The following NCBP2 variants were observed in gnomAD, a reference collection of about 807,000 sequenced individuals.
NCBP2 encodes nuclear cap binding protein subunit 2.
A neutral mutation model predicts 21.5 loss-of-function variants in NCBP2; 8 were observed. The observed-to-expected ratio is 0.37, with a 90% CI of 0.22 to 0.67. The LOEUF is 0.67. Among genes scored for constraint, NCBP2 ranks in the 30% least tolerant of loss-of-function variants. The probability of loss-of-function intolerance (pLI) is 0.56; values close to 1 mark genes in which losing one functional copy is unlikely to be tolerated. For missense variants in NCBP2, 127 were observed against 206.9 expected, an observed-to-expected ratio of 0.61 and a Z score of 2.37; for synonymous variants, 92 against 75.8, an observed-to-expected ratio of 1.21 and a Z score of -1.11.
intron 1 of NCBP2, among the ~76,000 whole-genome samples, chr3:196,940,662 T>TA (rs985861786): frequency 1.3e-5 from 2 of 152,088 alleles, no homozygotes; most frequent in African/African-American, 4.8e-5. Flanking sequence ...CATTAGCATC[T>TA]AAAAAAAGCT....
intron 1 of NCBP2, 69 bp downstream of exon 1, chr3:196,942,357 G>T: frequency 6.4e-7 from 1 of 1,568,220 alleles, no homozygotes; most frequent in South Asian, 1.2e-5. Flanking sequence ...GACACAATGA[G>T]ACAAGAGCAA....
At chr3:196,940,403 T>C (rs777581063) in intron 1 of NCBP2, among the ~76,000 whole-genome samples, 2 of 147,074 alleles carry the variant, frequency 1.4e-5, no homozygotes, top group African/African-American at 2.5e-5. Context: ...ACAATAGTCA[T>C]TGTATGTTAA....
At chr3:196,942,137 G>GCCACCA (rs1047978048) in intron 1 of NCBP2, 21 of 1,465,256 alleles carry the variant, frequency 1.4e-5, no homozygotes, top group Non-Finnish European at 1.8e-5. Flanking sequence ...AACGGGAGCC[G>GCCACCA]CCACCACCAC....
chr3:196,936,087 T>C lies in NCBP2; in HGVS notation c.*924A>G, dbSNP rs905184487. ...TCCTCATGTCAAGGCAGTGTTTTCA[T>C]TGTCTCTTGATATTTTATCCCATTT... On this transcript the variant is annotated 3_prime_UTR_variant, in exon 4 of 4. Coordinates refer to ENST00000321256, the MANE Select transcript of NCBP2 (RefSeq NM_007362.5). 6.6e-6 allele frequency: 1 copy of C among 152,238 alleles called. No homozygotes were observed. Among genetic ancestry groups the C allele is most frequent in the South Asian group, 2.1e-4 (1 of 4,836 alleles). 9.4% of individuals were successfully genotyped at this position (152,238 alleles called of 1,614,324 possible). A position where few individuals can be genotyped will look rare whatever the true frequency, so the allele number is the denominator to read the frequency against.
chr3:196,941,302 G>A (rs2108883411), intron 1 of NCBP2, among the ~76,000 whole-genome samples: 1 of 152,216 alleles, frequency 6.6e-6, no homozygotes, highest in Non-Finnish European at 1.5e-5. Context: ...ATCTTGGCCA[G>A]GCTAGTCTTG....
At chr3:196,938,129 C>A (rs966518612) in intron 2 of NCBP2, 1 of 154,454 alleles carries the variant, frequency 6.5e-6, no homozygotes, top group Non-Finnish European at 1.4e-5. Flanking sequence ...AAGGGGAAGA[C>A]ATTTAATCTC....
chr3:196,941,766 A>G lies in NCBP2; in HGVS notation c.78+660T>C, dbSNP rs531302207. 7.4e-5 allele frequency: 55 copies of G among 739,028 alleles called. No individual in the cohort carries two copies. The African/African-American group carries it at 8.7e-4, about 12-fold the overall frequency. 45.8% of individuals were successfully genotyped at this position (739,028 alleles called of 1,614,324 possible). On this transcript the variant is annotated intron_variant, in intron 1 of 3. Transcript: ENST00000321256. ...TCTGCTGCCTCCCCTTTTTCCACAA[A>G]ATATACTGTGATATAGTCCGGACTA...
At chr3:196,937,687 T>C in intron 2 of NCBP2, 39 bp from the exon 3 acceptor site, 1 of 1,608,652 alleles carries the variant, frequency 6.2e-7, no homozygotes, top group Non-Finnish European at 8.5e-7. Context: ...TCCAAACATT[T>C]CTGGAAATAG....
chr3:196,941,506 T>C, intron 1 of NCBP2: 1 of 203,138 alleles, frequency 4.9e-6, no homozygotes, highest in Non-Finnish European at 1.0e-5. Flanking sequence ...TATGCGCCCC[T>C]TCCTTTCCCA....
intron 3 of NCBP2, 38 bp downstream of exon 3, chr3:196,937,472 C>T (rs1405864427): frequency 6.2e-7 from 1 of 1,608,146 alleles, no homozygotes; most frequent in South Asian, 1.1e-5. Flanking sequence ...GACTGGAATC[C>T]CAGGCAATGG....
chr3:196,939,101 C>A, intron 2 of NCBP2, 150 bp downstream of exon 2: 1 of 593,252 alleles, frequency 1.7e-6, no homozygotes, highest in Non-Finnish European at 2.9e-6. Flanking sequence ...TAAATAGTAT[C>A]AGCTTTACAG....
chr3:196,939,053 G>T (rs1229305508), intron 2 of NCBP2, 198 bp downstream of exon 2: 14 of 441,844 alleles, frequency 3.2e-5, no homozygotes, highest in South Asian at 2.0e-4. Context: ...AAAACTTTTT[G>T]TTAAAGAACC....
chr3:196,937,454 G>A, intron 3 of NCBP2, 56 bp downstream of exon 3: 1 of 1,604,426 alleles, frequency 6.2e-7, no homozygotes, highest in Non-Finnish European at 8.5e-7. Flanking sequence ...CAAAACACCT[G>A]TCATTGTGAC....
rs748564020 is a variant in NCBP2, at chr3:196,936,986, T to C, written c.*25A>G. ...CAAATTCAACAGGCCAAAGGAGTGT[T>C]TGTCACTGACAGAGCTCTCACCACT... On this transcript the variant is annotated 3_prime_UTR_variant, in exon 4 of 4. Transcript: ENST00000321256. The C allele has an allele frequency of 2.1e-5, 34 of 1,611,778 alleles. No homozygotes were observed. The Middle Eastern group carries it at 2.5e-3, about 117-fold the overall frequency.
chr3:196,939,197 C>T (rs752083684), intron 2 of NCBP2, 54 bp downstream of exon 2: 1 of 1,514,678 alleles, frequency 6.6e-7, no homozygotes, highest in East Asian at 2.3e-5. Flanking sequence ...TATGAGCTAC[C>T]ACTCTCAGCT....
intron 1 of NCBP2, among the ~76,000 whole-genome samples, chr3:196,940,443 CATT>C (rs1716487030): frequency 6.6e-6 from 1 of 151,920 alleles, no homozygotes; most frequent in Non-Finnish European, 1.5e-5. Flanking sequence ...TGGAGTGAGA[CATT>C]AGAGAAAGTA....
intron 2 of NCBP2, chr3:196,937,878 T>A: frequency 1.9e-6 from 1 of 534,202 alleles, no homozygotes; most frequent in Non-Finnish European, 3.3e-6. Context: ...ACATTCCTGT[T>A]GATAATTTTT....
At chr3:196,939,189 T>G in intron 2 of NCBP2, 62 bp downstream of exon 2, 671 of 1,472,054 alleles carry the variant, frequency 4.6e-4, no homozygotes, top group Non-Finnish European at 5.9e-4. Flanking sequence ...GGGACGCTTA[T>G]GAGCTACCAC....
At chr3:196,937,292 G>C (rs1445496884) in intron 3 of NCBP2, 2 of 784,288 alleles carry the variant, frequency 2.6e-6, no homozygotes, top group African/African-American at 3.5e-5. Context: ...CCTAGCAGAA[G>C]TTCAAGAATG....
Sources: allele counts gnomAD v4.1 joint callset (sites outside exome capture counted in the v4.1 genomes callset), GRCh38; gene constraint gnomAD v4.1.1; transcripts MANE v1.5; gene names NCBI Gene and HGNC (gene_info 2026-07-23, HGNC 2026-07-21).